The following MAGI2 variants were observed in gnomAD, a reference collection of about 807,000 sequenced individuals.
MAGI2 encodes membrane-associated guanylate kinase, WW and PDZ domain-containing protein 2.
A neutral mutation model predicts 133.3 loss-of-function variants in MAGI2; 35 were observed. The observed-to-expected ratio is 0.26, with a 90% confidence interval of 0.20 to 0.35. MAGI2 has a LOEUF of 0.35. Among genes scored for constraint, MAGI2 ranks in the 10% least tolerant of loss-of-function variants. The pLI is 1.00. For missense variants in MAGI2, 1,636 were observed against 1,863.4 expected (o/e 0.88, Z 2.25); for synonymous variants, 729 against 710.6 (o/e 1.03, Z -0.41).
chr7:79,159,283 A>C (rs182747572), intron 1 of MAGI2, among the ~76,000 whole-genome samples: 5 of 151,968 alleles, frequency 3.3e-5, no homozygotes, highest in Admixed American at 6.6e-5. Context: ...TCATTTGGCT[A>C]TGGGAGGATC....
chr7:78,455,871 C>A (rs1455313146), intron 6 of MAGI2, among the ~76,000 whole-genome samples: 2 of 151,950 alleles, frequency 1.3e-5, no homozygotes, highest in African/African-American at 4.8e-5. Context: ...ACAAAAGCTA[C>A]CCACATTTGC....
intron 6 of MAGI2, among the ~76,000 whole-genome samples, chr7:78,371,038 CT>C (rs1793856793): frequency 6.6e-6 from 1 of 151,822 alleles, no homozygotes; most frequent in Non-Finnish European, 1.5e-5. Flanking sequence ...CAACTCAGGA[CT>C]CAAAAACCCT....
intron 1 of MAGI2, 76 bp downstream of exon 1, chr7:79,452,944 C>A: frequency 6.9e-7 from 1 of 1,450,608 alleles, no homozygotes; most frequent in Non-Finnish European, 9.2e-7. Context: ...TCAACATGCG[C>A]GGCCACCCTT....
chr7:78,083,677 T>A (rs3823795), intron 20 of MAGI2, among the ~76,000 whole-genome samples: 4 of 152,074 alleles, frequency 2.6e-5, no homozygotes, highest in Admixed American at 2.6e-4. Flanking sequence ...TGTGTCTAGG[T>A]CCCCGCCTAG....
At chr7:79,376,835 TGTGTGG>T (rs761275877) in intron 1 of MAGI2, among the ~76,000 whole-genome samples, 22 of 145,206 alleles carry the variant, frequency 1.5e-4, no homozygotes, top group African/African-American at 5.7e-4. Context: ...TGTGTGTGTG[TGTGTGG>T]GTGTATGGCG....
intron 6 of MAGI2, among the ~76,000 whole-genome samples, chr7:78,473,276 C>T (rs970942502): frequency 2.0e-5 from 3 of 152,058 alleles, no homozygotes; most frequent in African/African-American, 7.2e-5. Context: ...GGGCCCAGGA[C>T]TACATTTTCC....
chr7:78,189,681 AG>A (rs1309279085), intron 12 of MAGI2, among the ~76,000 whole-genome samples: 1 of 152,222 alleles, frequency 6.6e-6, no homozygotes, highest in East Asian at 1.9e-4. Flanking sequence ...CAGAACCCTG[AG>A]GGAAGAGTTT....
At chr7:78,619,307 A>T (rs1807460415) in intron 3 of MAGI2, among the ~76,000 whole-genome samples, 3 of 151,800 alleles carry the variant, frequency 2.0e-5, no homozygotes, top group Admixed American at 1.3e-4. Context: ...TCAGAACCCT[A>T]GGTTTTACCT....
intron 6 of MAGI2, among the ~76,000 whole-genome samples, chr7:78,435,561 A>G (rs1800205746): frequency 6.6e-6 from 1 of 152,088 alleles, no homozygotes; most frequent in African/African-American, 2.4e-5. Flanking sequence ...AACACACACA[A>G]GTGGGCTCAC....
chr7:78,195,160 T>C (rs1392876797), intron 11 of MAGI2, 97 bp from the exon 12 acceptor site: 18 of 971,438 alleles, frequency 1.9e-5, no homozygotes, highest in Non-Finnish European at 2.5e-5. Flanking sequence ...TTGTGGACTT[T>C]TCTTCCAGGG....
At chr7:79,257,978 AT>A (rs1168720960) in intron 1 of MAGI2, among the ~76,000 whole-genome samples, 1 of 152,174 alleles carries the variant, frequency 6.6e-6, no homozygotes, top group Non-Finnish European at 1.5e-5. Flanking sequence ...CAGCTCCTTA[AT>A]CATACATTTT....
At chr7:78,185,365 G>A (rs1827585134) in intron 13 of MAGI2, 1 of 308,448 alleles carries the variant, frequency 3.2e-6, no homozygotes, top group African/African-American at 2.1e-5. Context: ...GCTCTCTTTG[G>A]CAGCTGTTTT....
chr7:79,367,875 A>ATATATATATATATATATATATATGTG (rs1342246318), intron 1 of MAGI2, among the ~76,000 whole-genome samples: 6 of 122,120 alleles, frequency 4.9e-5, no homozygotes, highest in African/African-American at 1.7e-4. Context: ...ATATATATAT[A>ATATATATATATATATATATATATGTG]TGTCATTGAC....
chr7:78,501,538 A>T, intron 5 of MAGI2, 39 bp downstream of exon 5: 2 of 1,517,636 alleles, frequency 1.3e-6, no homozygotes, highest in East Asian at 2.3e-5. Context: ...TCCCGCTATG[A>T]CCTTTTTGGC....
At position 79,448,349 on chromosome 7, in the gene MAGI2, C is replaced by A. The variant is rs191556084; in HGVS notation, c.301+4671G>T. On this transcript the variant is annotated intron_variant, in intron 1 of 21. Coordinates refer to ENST00000354212, the MANE Select transcript of MAGI2 (RefSeq NM_012301.4). ...CAAAATACTCTATATTAATGTCAATCATTTCATATTTTTCAGTTAATTTGA... is the reference window on the plus strand; with the variant it reads ...CAAAATACTCTATATTAATGTCAATAATTTCATATTTTTCAGTTAATTTGA... 5.7e-3 allele frequency among the ~76,000 whole-genome samples: 861 copies of A among 152,124 alleles called. 4 individuals carry two copies. Among genetic ancestry groups the A allele is most frequent in the Non-Finnish European group, 9.6e-3 (651 of 67,926 alleles).
intron 17 of MAGI2, among the ~76,000 whole-genome samples, chr7:78,133,372 A>G (rs1257865379): frequency 6.6e-6 from 1 of 151,992 alleles, no homozygotes; most frequent in Non-Finnish European, 1.5e-5. Flanking sequence ...TCTAAAACAT[A>G]CTCTATTTTT....
intron 1 of MAGI2, among the ~76,000 whole-genome samples, chr7:79,265,707 G>T (rs1262838474): frequency 1.3e-5 from 2 of 152,060 alleles, no homozygotes; most frequent in Non-Finnish European, 2.9e-5. Context: ...AATTAAAGAA[G>T]TTCTCATGGT....
At chr7:78,741,905 C>A (rs1822470812) in intron 2 of MAGI2, among the ~76,000 whole-genome samples, 1 of 151,822 alleles carries the variant, frequency 6.6e-6, no homozygotes, top group East Asian at 2.0e-4. Flanking sequence ...GTCAGTCATG[C>A]CAAAAAAATG....
At chr7:78,117,715 C>A (rs928771670) in intron 20 of MAGI2, among the ~76,000 whole-genome samples, 3 of 151,918 alleles carry the variant, frequency 2.0e-5, no homozygotes, top group African/African-American at 4.8e-5. Flanking sequence ...GGGAAAAAAA[C>A]CTCAAAACTC....
Sources: gnomAD v4.1 joint callset for allele counts (sites outside exome capture counted in the v4.1 genomes callset) on GRCh38, gnomAD v4.1.1 for gene constraint, MANE v1.5 for transcripts, NCBI Gene and HGNC (gene_info 2026-07-23, HGNC 2026-07-21) for gene names.